Variants in ATP11C observed in about 807,000 individuals in gnomAD.
ATP11C encodes the protein phospholipid-transporting ATPase IG.
In ATP11C, 36 loss-of-function variants were observed where a neutral mutation model predicts 97.4. The ratio of observed to expected loss-of-function variants is 0.37; its 90% CI spans 0.28 to 0.49. The LOEUF (loss-of-function observed/expected upper bound fraction) is 0.49, where lower values mean the gene tolerates loss of function less well. Ranked by LOEUF, ATP11C falls within the 20% of genes least tolerant of loss-of-function variation. The probability of loss-of-function intolerance (pLI) is 0.98; values close to 1 mark genes in which losing one functional copy is unlikely to be tolerated. For synonymous variants in ATP11C, 275 were observed against 290.9 expected (o/e 0.95, Z 0.56); for missense variants, 730 against 824.6 (o/e 0.89, Z 1.40).
intron 26 of ATP11C, among the ~76,000 whole-genome samples, chrX:139,743,175 TCA>T (rs745426001): frequency 4.6e-5 from 5 of 107,705 alleles, no homozygotes; most frequent in Admixed American, 1.0e-4. Context: ...CTTAACATAA[TCA>T]CACACACACA....
chrX:139,876,275 G>A (rs2084470127), intron 1 of ATP11C, among the ~76,000 whole-genome samples: 1 of 111,846 alleles, frequency 8.9e-6, no homozygotes, highest in Admixed American at 9.5e-5. Flanking sequence ...AACAAAAATG[G>A]TGTGTTTTTT....
intron 1 of ATP11C, among the ~76,000 whole-genome samples, chrX:139,883,310 GACACTGGA>G (rs1179375257): frequency 1.8e-5 from 2 of 109,662 alleles, no homozygotes; most frequent in Non-Finnish European, 3.8e-5. Flanking sequence ...TTCCTGCTTG[GACACTGGA>G]ACCCTCTCCA....
At chrX:139,878,825 A>C (rs954988538) in intron 1 of ATP11C, among the ~76,000 whole-genome samples, 1 of 109,867 alleles carries the variant, frequency 9.1e-6, no homozygotes, top group Non-Finnish European at 1.9e-5. Context: ...GCAAACACCA[A>C]GAGGTACCTG....
chrX:139,887,028 CAGAA>C (rs1200065733), intron 1 of ATP11C, among the ~76,000 whole-genome samples: 1 of 111,388 alleles, frequency 9.0e-6, no homozygotes, highest in African/African-American at 3.3e-5. Flanking sequence ...ATAAAAATTC[CAGAA>C]ACTGATCCAC....
intron 25 of ATP11C, 39 bp downstream of exon 25, chrX:139,745,683 C>T (rs761913154): frequency 9.3e-6 from 11 of 1,177,079 alleles, no homozygotes; most frequent in South Asian, 5.9e-5. Context: ...ACAAGCCATG[C>T]TTATAATACC....
chrX:139,814,618 C>T (rs1488428483), intron 5 of ATP11C, among the ~76,000 whole-genome samples: 1 of 111,436 alleles, frequency 9.0e-6, no homozygotes, highest in Non-Finnish European at 1.9e-5. Flanking sequence ...AAAAAGGACA[C>T]ATAAGAAATA....
At chrX:139,869,773 G>A (rs1483883330) in intron 1 of ATP11C, among the ~76,000 whole-genome samples, 2 of 99,108 alleles carry the variant, frequency 2.0e-5, no homozygotes, top group Non-Finnish European at 3.9e-5. Flanking sequence ...TAGCCTGGGC[G>A]ACAGAGAAAC....
At chrX:139,922,223 A>AATATATATATATATATAT (rs201394639) in intron 1 of ATP11C, among the ~76,000 whole-genome samples, 5 of 43,759 alleles carry the variant, frequency 1.1e-4, no homozygotes, top group Non-Finnish European at 2.1e-4. Context: ...TCCTTCTCTA[A>AATATATATATATATATAT]ATATATATAT....
intron 1 of ATP11C, among the ~76,000 whole-genome samples, chrX:139,830,153 T>C (rs1032927127): frequency 8.0e-5 from 9 of 112,038 alleles, no homozygotes; most frequent in African/African-American, 2.9e-4. Context: ...GAGTTAGCCA[T>C]AGATCTTTGA....
In ATP11C at chrX:139,932,068, G is replaced by A. The variant is rs1390687005; in HGVS notation, c.-26C>T. On this transcript the variant is annotated 5_prime_UTR_variant, in exon 1 of 30. Transcript: ENST00000682941. Reference sequence around the variant, plus strand: ...CGCGTCGAAGGCTGCCGGGCGCTGAGCTGGGCTCTACCGGGCTGTCTGGGA... The same window carrying A: ...CGCGTCGAAGGCTGCCGGGCGCTGAACTGGGCTCTACCGGGCTGTCTGGGA... 3 of 1,154,780 alleles carry A rather than the reference G, an allele frequency of 2.6e-6. No homozygotes were observed. The highest frequency in any genetic ancestry group is 3.5e-6 in the Non-Finnish European group (3 of 865,443).
intron 28 of ATP11C, among the ~76,000 whole-genome samples, chrX:139,735,295 C>T (rs1473211937): frequency 8.9e-6 from 1 of 111,930 alleles, no homozygotes; most frequent in African/African-American, 3.2e-5. Context: ...TGCTAAGTCC[C>T]CTTCTCAAAG....
intron 24 of ATP11C, 110 bp from the exon 25 acceptor site, chrX:139,745,967 C>A: frequency 1.2e-6 from 1 of 828,691 alleles, no homozygotes. Flanking sequence ...AAGGGGGCTA[C>A]CCTTAATGGC....
chrX:139,902,453 C>T (rs2084913229), intron 1 of ATP11C, among the ~76,000 whole-genome samples: 1 of 111,411 alleles, frequency 9.0e-6, no homozygotes, highest in African/African-American at 3.3e-5. Context: ...ACTAACATAA[C>T]GACTATAGTT....
chrX:139,869,518 C>T (rs1389261127), intron 1 of ATP11C, among the ~76,000 whole-genome samples: 1 of 107,657 alleles, frequency 9.3e-6, no homozygotes, highest in Non-Finnish European at 1.9e-5. Context: ...GGCGCGGTGG[C>T]TCACGCCTGT....
intron 28 of ATP11C, among the ~76,000 whole-genome samples, chrX:139,734,948 G>T (rs773246144): frequency 2.7e-5 from 3 of 111,590 alleles, no homozygotes; most frequent in African/African-American, 9.7e-5. Flanking sequence ...CCATACTAGC[G>T]ATTTTACTGG....
intron 28 of ATP11C, 108 bp from the exon 29 acceptor site, chrX:139,731,863 ACTC>A: frequency 2.8e-6 from 1 of 358,600 alleles, no homozygotes; most frequent in South Asian, 6.5e-5. Context: ...CCTATAGACT[ACTC>A]CTCTGGCCAA....
intron 1 of ATP11C, among the ~76,000 whole-genome samples, chrX:139,915,578 G>A (rs1028548927): frequency 2.7e-5 from 3 of 109,676 alleles, no homozygotes; most frequent in African/African-American, 1.0e-4. Flanking sequence ...GCTGAGGCAC[G>A]AAAATAATTT....
intron 1 of ATP11C, among the ~76,000 whole-genome samples, chrX:139,831,017 A>G (rs1228693615): frequency 9.0e-6 from 1 of 111,218 alleles, no homozygotes; most frequent in Non-Finnish European, 1.9e-5. Context: ...CAAATTGCTG[A>G]GGTTTCCAAG....
chrX:139,868,301 C>T (rs1359809409), intron 1 of ATP11C, among the ~76,000 whole-genome samples: 1 of 111,175 alleles, frequency 9.0e-6, no homozygotes, highest in East Asian at 2.8e-4. Flanking sequence ...TAGGACTACA[C>T]GAAACTAAAA....
Sources: gnomAD v4.1 joint callset for allele counts (sites outside exome capture counted in the v4.1 genomes callset) on GRCh38, gnomAD v4.1.1 for gene constraint, MANE v1.5 for transcripts, NCBI Gene and HGNC (gene_info 2026-07-23, HGNC 2026-07-21) for gene names.